Variants in PPFIBP1 observed in about 807,000 individuals in gnomAD.
The protein encoded by PPFIBP1 is PPFIB scaffold protein 1, also known as liprin-beta-1.
In PPFIBP1, 112 loss-of-function variants were observed where a neutral mutation model predicts 137.8. That is an observed-to-expected ratio of 0.81 (90% CI 0.70 to 0.95). The LOEUF is 0.95. PPFIBP1 is among the 40% of genes least tolerant of loss of function. PPFIBP1 has a pLI of 0.00. For synonymous variants in PPFIBP1, 378 were observed against 417.3 expected (o/e 0.91, Z 1.15); for missense variants, 1,083 against 1,196.6 (o/e 0.91, Z 1.40).
chr12:27,565,207 T>G (rs1269122792), intron 1 of PPFIBP1, among the ~76,000 whole-genome samples: 1 of 152,132 alleles, frequency 6.6e-6, no homozygotes, highest in Admixed American at 6.5e-5. Flanking sequence ...GCCATCGAAA[T>G]TATTGAAATG....
At chr12:27,548,550 G>A (rs1946451022) in intron 1 of PPFIBP1, 1 of 152,202 alleles carries the variant, frequency 6.6e-6, no homozygotes, top group Non-Finnish European at 1.5e-5. Context: ...TGTTGTATAA[G>A]TGGGATGAGT....
chr12:27,620,057 C>T (rs1433462413), intron 2 of PPFIBP1, among the ~76,000 whole-genome samples: 1 of 152,000 alleles, frequency 6.6e-6, no homozygotes, highest in East Asian at 1.9e-4. Context: ...CTCTACTGCT[C>T]ACACCCTGAC....
At chr12:27,603,586 C>G (rs2054217986) in intron 2 of PPFIBP1, among the ~76,000 whole-genome samples, 1 of 152,178 alleles carries the variant, frequency 6.6e-6, no homozygotes. Flanking sequence ...CGAATTCATT[C>G]TAGGAAGTGT....
At chr12:27,667,431 C>G (rs186487921) in intron 13 of PPFIBP1, 111 bp downstream of exon 13, 124 of 948,632 alleles carry the variant, frequency 1.3e-4, no homozygotes, top group Middle Eastern at 7.2e-4. Flanking sequence ...GTTCCATCAC[C>G]AACTCAAGTG....
At chr12:27,607,475 AT>A (rs1565861885) in intron 2 of PPFIBP1, among the ~76,000 whole-genome samples, 2 of 152,232 alleles carry the variant, frequency 1.3e-5, no homozygotes. Flanking sequence ...GCATTTGATC[AT>A]TGTCAGAGGG....
intron 3 of PPFIBP1, 62 bp from the exon 4 acceptor site, chr12:27,634,848 G>A (rs879112798): frequency 3.4e-5 from 49 of 1,433,724 alleles, no homozygotes; most frequent in African/African-American, 4.2e-5. Context: ...TACCGCCTTC[G>A]GCTTTGGTAT....
intron 1 of PPFIBP1, among the ~76,000 whole-genome samples, chr12:27,558,360 T>C (rs147939927): frequency 1.6e-3 from 237 of 152,042 alleles, no homozygotes; most frequent in African/African-American, 5.3e-3. Context: ...AGTAATTAGA[T>C]CATATAATGA....
intron 1 of PPFIBP1, among the ~76,000 whole-genome samples, chr12:27,528,169 G>A (rs750249400): frequency 3.9e-5 from 6 of 151,994 alleles, no homozygotes; most frequent in Non-Finnish European, 8.8e-5. Context: ...GGCTGGTCTC[G>A]AACTCCTGAC....
At chr12:27,687,237 C>A in intron 24 of PPFIBP1, 148 bp from the exon 25 acceptor site, 1 of 892,526 alleles carries the variant, frequency 1.1e-6, no homozygotes, top group South Asian at 2.7e-5. Context: ...GATTTTGTTC[C>A]AAATGGGAAA....
chr12:27,534,537 T>C (rs1944774556), intron 1 of PPFIBP1, among the ~76,000 whole-genome samples: 1 of 152,110 alleles, frequency 6.6e-6, no homozygotes, highest in Non-Finnish European at 1.5e-5. Flanking sequence ...GAAGTTGGTT[T>C]ATTGAAGTGG....
At chr12:27,594,262 C>T (rs1187521480) in intron 2 of PPFIBP1, among the ~76,000 whole-genome samples, 6 of 148,280 alleles carry the variant, frequency 4.0e-5, no homozygotes, top group Non-Finnish European at 7.4e-5. Context: ...ACTGCAACCT[C>T]CACCTCCTGG....
At chr12:27,576,678 A>G (rs2050590011) in intron 1 of PPFIBP1, among the ~76,000 whole-genome samples, 1 of 152,162 alleles carries the variant, frequency 6.6e-6, no homozygotes, top group South Asian at 2.1e-4. Context: ...TTGGTGTTAG[A>G]TCAGCTGTGT....
chr12:27,561,236 TTCTG>T (rs886900252), intron 1 of PPFIBP1, among the ~76,000 whole-genome samples: 1 of 152,160 alleles, frequency 6.6e-6, no homozygotes, highest in African/African-American at 2.4e-5. Flanking sequence ...CTTTTGGTCT[TTCTG>T]TCTTCTTCAT....
At chr12:27,649,462 T>C (rs2058741837) in intron 6 of PPFIBP1, among the ~76,000 whole-genome samples, 1 of 152,218 alleles carries the variant, frequency 6.6e-6, no homozygotes, top group African/African-American at 2.4e-5. Flanking sequence ...TGCATGTGTA[T>C]CTACACAACA....
intron 20 of PPFIBP1, 82 bp from the exon 21 acceptor site, chr12:27,679,851 G>A (rs2060775966): frequency 6.5e-6 from 10 of 1,532,934 alleles, no homozygotes; most frequent in Non-Finnish European, 8.0e-6. Context: ...GTTCCAGTAG[G>A]TGCACTAGTT....
chr12:27,551,507 A>G (rs528748141), intron 1 of PPFIBP1, among the ~76,000 whole-genome samples: 46 of 152,348 alleles, frequency 3.0e-4, no homozygotes, highest in South Asian at 2.1e-3. Context: ...ACAGTTGCTG[A>G]GAACCAGAAT....
chr12:27,613,702 CA>C (rs36094116), intron 2 of PPFIBP1, among the ~76,000 whole-genome samples: 39,933 of 107,556 alleles, frequency 0.37, 5,536 homozygotes, highest in South Asian at 0.45. Flanking sequence ...GACTCCATCT[CA>C]AAAAAAAAAA....
intron 1 of PPFIBP1, among the ~76,000 whole-genome samples, chr12:27,568,992 A>G: frequency 6.6e-6 from 1 of 152,174 alleles, no homozygotes; most frequent in Non-Finnish European, 1.5e-5. Context: ...TCATAGAGTC[A>G]TCAGTGATGT....
intron 2 of PPFIBP1, among the ~76,000 whole-genome samples, chr12:27,628,775 A>G (rs2057046965): frequency 6.6e-6 from 1 of 152,096 alleles, no homozygotes; most frequent in South Asian, 2.1e-4. Flanking sequence ...CTCTTTCCTA[A>G]TTTTTCAAAT....
Sources: gnomAD v4.1 joint callset for allele counts (sites outside exome capture counted in the v4.1 genomes callset) on GRCh38, gnomAD v4.1.1 for gene constraint, MANE v1.5 for transcripts, NCBI Gene and HGNC (gene_info 2026-07-23, HGNC 2026-07-21) for gene names.